RALGAPA2: variants seen among roughly 807,000 people sequenced by gnomAD.
The protein encoded by RALGAPA2 is Ral GTPase activating protein catalytic subunit alpha 2, also known as ral GTPase-activating protein subunit alpha-2.
In RALGAPA2, 139 loss-of-function variants were observed where a neutral mutation model predicts 230.4. The observed-to-expected ratio is 0.60, with a 90% CI of 0.53 to 0.69. The LOEUF is 0.69. RALGAPA2 is among the 30% of genes least tolerant of loss of function. RALGAPA2 has a pLI of 0.00. For missense variants in RALGAPA2, 2,163 were observed against 2,276.0 expected (o/e 0.95, Z 1.01); for synonymous variants, 847 against 837.8 (o/e 1.01, Z -0.19).
intron 36 of RALGAPA2, among the ~76,000 whole-genome samples, chr20:20,483,318 T>C (rs1328736305): frequency 3.3e-5 from 5 of 152,144 alleles, no homozygotes; most frequent in African/African-American, 1.2e-4. Context: ...GTAGGGAATA[T>C]TGCAACAGTG....
At chr20:20,396,060 G>A (rs963271645) in intron 39 of RALGAPA2, among the ~76,000 whole-genome samples, 7 of 152,236 alleles carry the variant, frequency 4.6e-5, no homozygotes, top group Non-Finnish European at 1.0e-4. Flanking sequence ...CCATCAGAGC[G>A]CTCTGGGCAG....
chr20:20,659,604 T>C (rs554284239), intron 3 of RALGAPA2: 1 of 270,294 alleles, frequency 3.7e-6, no homozygotes, highest in African/African-American at 2.2e-5. Flanking sequence ...TAATTGGAGT[T>C]AATATGACTA....
chr20:20,653,877 C>G (rs2067494630), intron 3 of RALGAPA2, among the ~76,000 whole-genome samples: 1 of 152,076 alleles, frequency 6.6e-6, no homozygotes, highest in Non-Finnish European at 1.5e-5. Context: ...TAAATAATAG[C>G]CATTTCTTAA....
intron 36 of RALGAPA2, among the ~76,000 whole-genome samples, chr20:20,482,690 C>CA (rs1277756693): frequency 2.6e-5 from 4 of 152,100 alleles, no homozygotes; most frequent in African/African-American, 9.7e-5. Flanking sequence ...AAGGACTGCA[C>CA]AGAGCTCCTG....
Position 20,629,524 on chromosome 20 carries a change from C to A in RALGAPA2, c.1072G>T (p.Asp358Tyr). 6.2e-7 allele frequency: 1 copy of A among 1,613,900 alleles called. No homozygotes were observed. Among genetic ancestry groups the A allele is most frequent in the Non-Finnish European group, 8.5e-7 (1 of 1,179,884 alleles). The change falls in exon 10 of 40, where the codon GAC becomes TAC. Residue 358 changes from aspartate to tyrosine, a missense_variant. Coordinates refer to ENST00000202677, the MANE Select transcript of RALGAPA2 (RefSeq NM_020343.4). The stretch of plus-strand genomic sequence containing the variant: ...GTGCTGCTGTTAGAATGGCTTTTGT[C>A]CTGCTCCGTGGGCCCACCACCATCC... ...ELDGGGPTEQDKSHSNSSTLS... is the reference protein window; with the variant it reads ...ELDGGGPTEQYKSHSNSSTLS...
At chr20:20,574,100 G>A (rs1478684824) in intron 20 of RALGAPA2, among the ~76,000 whole-genome samples, 1 of 152,166 alleles carries the variant, frequency 6.6e-6, no homozygotes, top group Non-Finnish European at 1.5e-5. Context: ...CTACATCCTT[G>A]CTAGAACTTG....
intron 22 of RALGAPA2, 106 bp from the exon 23 acceptor site, chr20:20,571,719 G>A (rs1019334767): frequency 2.7e-6 from 4 of 1,470,292 alleles, no homozygotes; most frequent in Non-Finnish European, 2.8e-6. Context: ...TGGACATGTG[G>A]GATGCAGTTA....
In RALGAPA2 at chr20:20,601,761, C is replaced by T. The variant is rs767839271; in HGVS notation, c.2124G>A (p.Pro708=). 9.3e-6 allele frequency: 15 copies of T among 1,613,868 alleles called. No homozygotes were observed. The East Asian group carries it at 1.3e-4, about 14-fold the overall frequency. Residue 708 remains proline (P), a synonymous_variant, in exon 16 of 40, where the codon CCG becomes CCA. Coordinates refer to ENST00000202677, the MANE Select transcript of RALGAPA2 (RefSeq NM_020343.4). ...SWRSHPDVTE[P]MRFRSATTSG... ...ACGTGGTGGCACTCCTAAATCGCATCGGTTCGGTCACATCTGGGTGGCTCC... is the reference window on the plus strand; with the variant it reads ...ACGTGGTGGCACTCCTAAATCGCATTGGTTCGGTCACATCTGGGTGGCTCC...
chr20:20,486,292 C>T (rs755764759), intron 36 of RALGAPA2, among the ~76,000 whole-genome samples: 4 of 150,860 alleles, frequency 2.7e-5, no homozygotes, highest in East Asian at 1.9e-4. Flanking sequence ...ACTAATCACA[C>T]ATTCCCTCAA....
At chr20:20,405,295 T>A (rs182608749) in intron 38 of RALGAPA2, among the ~76,000 whole-genome samples, 2 of 152,216 alleles carry the variant, frequency 1.3e-5, no homozygotes, top group Non-Finnish European at 2.9e-5. Flanking sequence ...TAAATAGCCA[T>A]TTTTTTTGTG....
chr20:20,433,862 T>G (rs2060549522), intron 37 of RALGAPA2, among the ~76,000 whole-genome samples: 1 of 152,204 alleles, frequency 6.6e-6, no homozygotes. Flanking sequence ...ATCAGTGAAA[T>G]TCCGAAATTT....
intron 17 of RALGAPA2, among the ~76,000 whole-genome samples, 169 bp downstream of exon 17, chr20:20,591,008 T>C (rs2065272604): frequency 6.6e-6 from 1 of 152,210 alleles, no homozygotes; most frequent in Admixed American, 6.5e-5. Flanking sequence ...CAGGTTTAAA[T>C]AGTGCAAATA....
intron 37 of RALGAPA2, among the ~76,000 whole-genome samples, chr20:20,423,955 C>A (rs1569386428): frequency 6.6e-6 from 1 of 152,170 alleles, no homozygotes; most frequent in African/African-American, 2.4e-5. Flanking sequence ...AAGAATAATT[C>A]TGAGGAAATG....
At chr20:20,707,194 T>G (rs542711687) in intron 1 of RALGAPA2, among the ~76,000 whole-genome samples, 2 of 152,326 alleles carry the variant, frequency 1.3e-5, no homozygotes, top group Admixed American at 1.3e-4. Context: ...AAGGTGTTTA[T>G]TGGTAGTCAG....
At chr20:20,436,822 T>C (rs2060625650) in intron 37 of RALGAPA2, among the ~76,000 whole-genome samples, 1 of 152,228 alleles carries the variant, frequency 6.6e-6, no homozygotes, top group Non-Finnish European at 1.5e-5. Flanking sequence ...GAAACTGCCA[T>C]TTTGACTGCC....
At chr20:20,595,573 C>A (rs990914499) in intron 16 of RALGAPA2, among the ~76,000 whole-genome samples, 1 of 152,146 alleles carries the variant, frequency 6.6e-6, no homozygotes, top group Non-Finnish European at 1.5e-5. Context: ...CTCATTACTA[C>A]TATTACAATA....
rs2064010746 is a variant in RALGAPA2, at chr20:20,554,159, T to C, written c.3157-7327A>G. ...CAAAATGAAGCAACTATTTCCCATTTCTCATATACCCAGTAACTGGCAACT... is the reference window on the plus strand; with the variant it reads ...CAAAATGAAGCAACTATTTCCCATTCCTCATATACCCAGTAACTGGCAACT... On this transcript the variant is annotated intron_variant, in intron 23 of 39. Transcript: ENST00000202677. Among the ~76,000 whole-genome samples the C allele has an allele frequency of 1.3e-5, 2 of 152,300 alleles. 1 individual carries two copies.
chr20:20,671,460 C>A (rs1218218090), intron 3 of RALGAPA2, among the ~76,000 whole-genome samples: 1 of 152,194 alleles, frequency 6.6e-6, no homozygotes, highest in Non-Finnish European at 1.5e-5. Context: ...CACTTCCAAA[C>A]CCTTATAAAC....
At chr20:20,574,573 A>G (rs1181325341) in intron 20 of RALGAPA2, among the ~76,000 whole-genome samples, 8 of 152,196 alleles carry the variant, frequency 5.3e-5, no homozygotes, top group African/African-American at 1.9e-4. Context: ...GTAAACAGAA[A>G]AGCAGCCAAA....
Sources: gnomAD v4.1 joint callset for allele counts (sites outside exome capture counted in the v4.1 genomes callset) on GRCh38, gnomAD v4.1.1 for gene constraint, MANE v1.5 for transcripts, NCBI Gene and HGNC (gene_info 2026-07-23, HGNC 2026-07-21) for gene names.